The following CAMK2D variants were observed in gnomAD, a reference collection of about 807,000 sequenced individuals.
CAMK2D encodes calcium/calmodulin dependent protein kinase II delta.
A neutral mutation model predicts 84.0 loss-of-function variants in CAMK2D; 37 were observed. That is an observed-to-expected ratio of 0.44 (90% CI 0.34 to 0.58). CAMK2D has a LOEUF of 0.58. Among genes scored for constraint, CAMK2D ranks in the 20% least tolerant of loss-of-function variants. The probability of loss-of-function intolerance (pLI) is 0.02; values close to 1 mark genes in which losing one functional copy is unlikely to be tolerated. For missense variants in CAMK2D, 448 were observed against 652.5 expected, an observed-to-expected ratio of 0.69 and a Z score of 3.41; for synonymous variants, 202 against 212.5, an observed-to-expected ratio of 0.95 and a Z score of 0.43.
At chr4:113,716,272 C>A (rs555521975) in intron 2 of CAMK2D, among the ~76,000 whole-genome samples, 70 of 152,218 alleles carry the variant, frequency 4.6e-4, no homozygotes, top group Middle Eastern at 6.8e-3. Context: ...ATGTCAAGAG[C>A]CAAGTATCAT....
At chr4:113,616,193 T>C (rs532894648) in intron 3 of CAMK2D, among the ~76,000 whole-genome samples, 1 of 152,288 alleles carries the variant, frequency 6.6e-6, no homozygotes, top group African/African-American at 2.4e-5. Flanking sequence ...AAATTAACTT[T>C]TTAAAATAAT....
At chr4:113,479,510 A>G (rs1385878805) in intron 16 of CAMK2D, among the ~76,000 whole-genome samples, 1 of 152,226 alleles carries the variant, frequency 6.6e-6, no homozygotes, top group Non-Finnish European at 1.5e-5. Flanking sequence ...TGCCTATTAT[A>G]TGGTACTATG....
intron 4 of CAMK2D, among the ~76,000 whole-genome samples, chr4:113,604,711 G>C (rs1206351264): frequency 1.3e-5 from 2 of 152,106 alleles, no homozygotes. Flanking sequence ...ATCCACTTTA[G>C]TTAAAAATCT....
intron 2 of CAMK2D, among the ~76,000 whole-genome samples, chr4:113,723,420 C>A (rs2099537062): frequency 6.6e-6 from 1 of 151,994 alleles, no homozygotes; most frequent in Non-Finnish European, 1.5e-5. Flanking sequence ...TACGGGGTTT[C>A]ATCATGTTGG....
In CAMK2D at chr4:113,559,160, A is replaced by T. The variant is rs147847951; in HGVS notation, c.276-7064T>A. Among the ~76,000 whole-genome samples, 632 of 152,342 alleles carry T rather than the reference A, an allele frequency of 4.1e-3. 4 individuals carry two copies. Among genetic ancestry groups the T allele is most frequent in the African/African-American group, 0.015 (610 of 41,582 alleles). ...GCACCACAGACATTCTAAAGATAACAAGAATATTTACAAAATATATTTTAA... is the reference window on the plus strand; with the variant it reads ...GCACCACAGACATTCTAAAGATAACTAGAATATTTACAAAATATATTTTAA... On this transcript the variant is annotated intron_variant, in intron 4 of 20. Transcript: ENST00000511664.
chr4:113,490,073 T>G (rs967773239), intron 16 of CAMK2D, among the ~76,000 whole-genome samples: 7 of 151,494 alleles, frequency 4.6e-5, no homozygotes, highest in Admixed American at 4.6e-4. Context: ...TTGCGAAAAT[T>G]TTCTCCCATT....
chr4:113,670,530 G>C (rs1401595751), intron 2 of CAMK2D, among the ~76,000 whole-genome samples: 1 of 151,798 alleles, frequency 6.6e-6, no homozygotes, highest in Admixed American at 6.6e-5. Flanking sequence ...GATAAATTTT[G>C]TATAATATAT....
chr4:113,665,034 C>G (rs1316703825), intron 2 of CAMK2D, among the ~76,000 whole-genome samples: 1 of 152,168 alleles, frequency 6.6e-6, no homozygotes, highest in African/African-American at 2.4e-5. Flanking sequence ...AAACTCCTGA[C>G]CTCAGGTGAT....
intron 4 of CAMK2D, among the ~76,000 whole-genome samples, chr4:113,592,910 G>C (rs2098898643): frequency 6.6e-6 from 1 of 152,100 alleles, no homozygotes; most frequent in Non-Finnish European, 1.5e-5. Context: ...CTGGAGTGCA[G>C]TGGCATGATC....
intron 4 of CAMK2D, among the ~76,000 whole-genome samples, chr4:113,566,279 T>C (rs1430151031): frequency 6.6e-6 from 1 of 152,236 alleles, no homozygotes. Context: ...CTTTGTACTT[T>C]TGCAATATAT....
intron 2 of CAMK2D, chr4:113,679,543 T>C: frequency 1.7e-6 from 1 of 605,488 alleles, no homozygotes; most frequent in South Asian, 7.3e-5. Flanking sequence ...CCCACAGAAA[T>C]AGTAAGTCAT....
At chr4:113,676,632 G>A (rs1279967933) in intron 2 of CAMK2D, among the ~76,000 whole-genome samples, 2 of 152,178 alleles carry the variant, frequency 1.3e-5, no homozygotes, top group Non-Finnish European at 2.9e-5. Flanking sequence ...AAAACAGCAG[G>A]TACAAGATCA....
intron 15 of CAMK2D, among the ~76,000 whole-genome samples, chr4:113,501,248 A>G (rs1590240208): frequency 6.9e-6 from 1 of 145,570 alleles, no homozygotes; most frequent in East Asian, 2.3e-4. Flanking sequence ...TAAGTGGAAG[A>G]TTGTTAAGCA....
chr4:113,620,852 A>G (rs1320405543), intron 3 of CAMK2D, among the ~76,000 whole-genome samples: 9 of 152,200 alleles, frequency 5.9e-5, no homozygotes, highest in African/African-American at 2.2e-4. Context: ...ACCAAATTTA[A>G]GAAATATAAT....
chr4:113,495,841 C>T (rs546610212), intron 16 of CAMK2D, among the ~76,000 whole-genome samples: 74 of 152,152 alleles, frequency 4.9e-4, no homozygotes, highest in African/African-American at 1.2e-3. Context: ...GATCCAAGCT[C>T]GTGGTGAATG....
In CAMK2D at chr4:113,537,459, A is replaced by G; in HGVS notation, c.415-16T>C. On this transcript the variant is annotated splice_polypyrimidine_tract_variant and intron_variant, in intron 6 of 20. Coordinates refer to ENST00000511664, the MANE Select transcript of CAMK2D (RefSeq NM_001321571.2). ...AATTCTCAGGCTTTATTTAGAAAGA[A>G]AAAAAAAGAGACTGAAGTGAGAACC... 3 of 1,472,106 alleles carry G rather than the reference A, an allele frequency of 2.0e-6. No individual in the cohort carries two copies. The highest frequency in any genetic ancestry group is 2.8e-6 in the Non-Finnish European group (3 of 1,058,552). The allele number at this position is 1,472,106 out of a possible 1,614,324, so 91.2% of individuals were successfully genotyped here. A position where few individuals can be genotyped will look rare whatever the true frequency, so the allele number is the denominator to read the frequency against.
At chr4:113,533,933 T>C (rs2098473620) in intron 7 of CAMK2D, among the ~76,000 whole-genome samples, 1 of 151,928 alleles carries the variant, frequency 6.6e-6, no homozygotes, top group African/African-American at 2.4e-5. Flanking sequence ...GCTTCCATAA[T>C]GCTTTGTATT....
chr4:113,690,202 G>A (rs1237707116), intron 2 of CAMK2D, among the ~76,000 whole-genome samples: 1 of 152,126 alleles, frequency 6.6e-6, no homozygotes, highest in Non-Finnish European at 1.5e-5. Flanking sequence ...AATTTAACAT[G>A]ATTTATAATT....
At chr4:113,514,877 T>C (rs140420154) in intron 10 of CAMK2D, among the ~76,000 whole-genome samples, 192 bp downstream of exon 10, 461 of 152,320 alleles carry the variant, frequency 3.0e-3, no homozygotes, top group Admixed American at 5.9e-3. Flanking sequence ...TCTATGCAAT[T>C]CAGACTTTGC....
Sources: allele counts gnomAD v4.1 joint callset (sites outside exome capture counted in the v4.1 genomes callset), GRCh38; gene constraint gnomAD v4.1.1; transcripts MANE v1.5; gene names NCBI Gene and HGNC (gene_info 2026-07-23, HGNC 2026-07-21).